Variants in METTL16 observed in about 807,000 individuals in gnomAD.
METTL16 encodes methyltransferase 16, RNA N6-adenosine.
Under a neutral mutation model 57.9 loss-of-function variants are expected in METTL16, and 19 were observed. The observed-to-expected ratio is 0.33, with a 90% CI of 0.23 to 0.48. The LOEUF (loss-of-function observed/expected upper bound fraction) is 0.48, where lower values mean the gene tolerates loss of function less well. METTL16 is among the 20% of genes least tolerant of loss of function. The pLI is 0.99. For missense variants in METTL16, 434 were observed against 691.5 expected (o/e 0.63, Z 4.18); for synonymous variants, 246 against 255.6 (o/e 0.96, Z 0.36).
At chr17:2,486,595 GATT>G (rs2067343286) in intron 2 of METTL16, among the ~76,000 whole-genome samples, 1 of 151,996 alleles carries the variant, frequency 6.6e-6, no homozygotes, top group African/African-American at 2.4e-5. Flanking sequence ...CTATGTTAAG[GATT>G]TAGGTATGGT....
At chr17:2,510,240 CAAGTCA>C (rs1311491459) in intron 1 of METTL16, among the ~76,000 whole-genome samples, 1 of 152,144 alleles carries the variant, frequency 6.6e-6, no homozygotes, top group Non-Finnish European at 1.5e-5. Flanking sequence ...GTGTGCTGAT[CAAGTCA>C]GAGTATATGG....
At chr17:2,434,426 G>A (rs752316808) in intron 8 of METTL16, among the ~76,000 whole-genome samples, 2 of 152,152 alleles carry the variant, frequency 1.3e-5, no homozygotes, top group East Asian at 3.9e-4. Context: ...TGTTGGCCAG[G>A]CTGGTCTCAA....
intron 6 of METTL16, among the ~76,000 whole-genome samples, chr17:2,447,153 C>G (rs1268625363): frequency 1.4e-5 from 2 of 145,470 alleles, no homozygotes; most frequent in South Asian, 2.2e-4. Flanking sequence ...TCTTCCCCGC[C>G]GCCTTCCCAT....
intron 1 of METTL16, among the ~76,000 whole-genome samples, chr17:2,502,703 C>A (rs1220824113): frequency 1.4e-4 from 21 of 151,518 alleles, no homozygotes; most frequent in Admixed American, 1.4e-3. Context: ...AAAAAAAAAT[C>A]AGTGGGGAAA....
At chr17:2,426,952 T>C (rs1347671482) in intron 8 of METTL16, among the ~76,000 whole-genome samples, 1 of 146,358 alleles carries the variant, frequency 6.8e-6, no homozygotes, top group African/African-American at 2.6e-5. Flanking sequence ...CTGGCCAACA[T>C]GGTGAAACCC....
At chr17:2,438,006 C>T (rs532058427) in intron 8 of METTL16, 103 bp downstream of exon 8, 1 of 860,444 alleles carries the variant, frequency 1.2e-6, no homozygotes, top group East Asian at 2.5e-5. Flanking sequence ...GCATTTGGGA[C>T]AAACTTCAGT....
chr17:2,447,653 G>A (rs2067014677), intron 6 of METTL16, among the ~76,000 whole-genome samples: 2 of 133,282 alleles, frequency 1.5e-5, no homozygotes, highest in Admixed American at 6.9e-5. Context: ...CGCCCCTACT[G>A]GGAAGTGAGG....
intron 6 of METTL16, among the ~76,000 whole-genome samples, chr17:2,460,540 G>C (rs2067142108): frequency 6.6e-6 from 1 of 152,150 alleles, no homozygotes; most frequent in African/African-American, 2.4e-5. Flanking sequence ...TTGTAGCCTA[G>C]TAGAGCCACC....
chr17:2,440,382 G>A (rs2151549753), intron 7 of METTL16, among the ~76,000 whole-genome samples: 1 of 152,112 alleles, frequency 6.6e-6, no homozygotes, highest in South Asian at 2.1e-4. Flanking sequence ...CCCAGTAGCT[G>A]GGACTACAGG....
chr17:2,499,289 A>G (rs2067469942), intron 2 of METTL16, among the ~76,000 whole-genome samples: 1 of 151,216 alleles, frequency 6.6e-6, no homozygotes, highest in Non-Finnish European at 1.5e-5. Context: ...ATTAAGTACA[A>G]TAGTAAGTAT....
At chr17:2,511,054 T>C (rs535534972) in intron 1 of METTL16, among the ~76,000 whole-genome samples, 30 of 152,204 alleles carry the variant, frequency 2.0e-4, no homozygotes, top group South Asian at 4.1e-4. Context: ...TATTTGTTGA[T>C]TGAAACCACG....
At chr17:2,503,786 T>C (rs2067508951) in intron 1 of METTL16, among the ~76,000 whole-genome samples, 2 of 151,838 alleles carry the variant, frequency 1.3e-5, no homozygotes, top group African/African-American at 4.8e-5. Flanking sequence ...CAAAACATGG[T>C]ATATCCATAC....
chr17:2,491,342 G>T (rs1216363281), intron 2 of METTL16, among the ~76,000 whole-genome samples: 1 of 152,188 alleles, frequency 6.6e-6, no homozygotes, highest in East Asian at 1.9e-4. Context: ...TACCACTGAT[G>T]AATACAGTAT....
At chr17:2,501,948 G>A (rs150506190) in intron 2 of METTL16, among the ~76,000 whole-genome samples, 1 of 152,210 alleles carries the variant, frequency 6.6e-6, no homozygotes, top group African/African-American at 2.4e-5. Context: ...GTTACTCTGG[G>A]ATTTCCGTAG....
At chr17:2,447,450 G>C (rs2067010383) in intron 6 of METTL16, among the ~76,000 whole-genome samples, 3 of 116,250 alleles carry the variant, frequency 2.6e-5, no homozygotes, top group African/African-American at 1.2e-4. Context: ...GAGGGAGGTG[G>C]GGGGGGTCAG....
At chr17:2,440,489 C>T (rs1247899995) in intron 7 of METTL16, among the ~76,000 whole-genome samples, 3 of 151,946 alleles carry the variant, frequency 2.0e-5, no homozygotes, top group Non-Finnish European at 4.4e-5. Context: ...CCTCATGATC[C>T]GCCCACATCG....
intron 6 of METTL16, among the ~76,000 whole-genome samples, chr17:2,446,851 G>A (rs1243015761): frequency 7.2e-5 from 11 of 152,076 alleles, no homozygotes; most frequent in African/African-American, 1.9e-4. Flanking sequence ...CCGGGGTGCC[G>A]GGATTGCGGA....
chr17:2,472,840 G>A (rs1168980196), intron 4 of METTL16, among the ~76,000 whole-genome samples: 2 of 152,098 alleles, frequency 1.3e-5, no homozygotes, highest in Non-Finnish European at 2.9e-5. Context: ...CCTGGGGTTG[G>A]GGGCAGTGAG....
chr17:2,419,457 C>T lies in METTL16; in HGVS notation c.*513G>A, dbSNP rs2066743551. 3.0e-6 allele frequency: 1 copy of T among 334,432 alleles called. No homozygotes were observed. Among genetic ancestry groups the T allele is most frequent in the Middle Eastern group, 1.1e-3 (1 of 886 alleles). 20.7% of individuals were successfully genotyped at this position (334,432 alleles called of 1,614,324 possible). ...TACTAAGGTTTCTCTCCCAGATTCCCCACCACCCACCATACAGCTCCCTTT... is the reference window on the plus strand; with the variant it reads ...TACTAAGGTTTCTCTCCCAGATTCCTCACCACCCACCATACAGCTCCCTTT... On this transcript the variant is annotated 3_prime_UTR_variant, in exon 10 of 10. Coordinates refer to ENST00000263092, the MANE Select transcript of METTL16 (RefSeq NM_024086.4).
Sources: allele counts gnomAD v4.1 joint callset (sites outside exome capture counted in the v4.1 genomes callset), GRCh38; gene constraint gnomAD v4.1.1; transcripts MANE v1.5; gene names NCBI Gene and HGNC (gene_info 2026-07-23, HGNC 2026-07-21).